Variants in ELAPOR2 observed in about 807,000 individuals in gnomAD.
The protein encoded by ELAPOR2 is endosome/lysosome-associated apoptosis and autophagy regulator family member 2.
A neutral mutation model predicts 120.7 loss-of-function variants in ELAPOR2; 89 were observed. That is an observed-to-expected ratio of 0.74 (90% CI 0.62 to 0.88). ELAPOR2 has a LOEUF of 0.88. Among genes scored for constraint, ELAPOR2 ranks in the 40% least tolerant of loss-of-function variants. The probability of loss-of-function intolerance (pLI) is 0.00; values close to 1 mark genes in which losing one functional copy is unlikely to be tolerated. For missense variants in ELAPOR2, 1,134 were observed against 1,251.6 expected, an observed-to-expected ratio of 0.91 and a Z score of 1.42; for synonymous variants, 444 against 444.9, an observed-to-expected ratio of 1.00 and a Z score of 0.03.
rs142358415 is a variant in ELAPOR2, at chr7:86,880,501, T to C, written c.3060A>G (p.Gln1020=). The change falls in exon 22 of 22, where the codon CAA becomes CAG. Residue 1020 remains glutamine (Q), a synonymous_variant. Coordinates refer to ENST00000450689, the MANE Select transcript of ELAPOR2 (RefSeq NM_001142749.3). ...TATTTGGGGATCTTGAGGTTTTCAG[T>C]TGAACAGATTCAAAATGGTCTTCTT... ...KEKEDHFESV[Q]LKTSRSPNI 3.1e-6 allele frequency: 5 copies of C among 1,609,550 alleles called. No homozygotes were observed. The highest frequency in any genetic ancestry group is 1.3e-5 in the African/African-American group (1 of 74,888).
intron 12 of ELAPOR2, among the ~76,000 whole-genome samples, chr7:86,916,955 ATTTTTT>A (rs58682563): frequency 1.6e-4 from 14 of 86,700 alleles, no homozygotes; most frequent in Non-Finnish European, 2.1e-5. Context: ...TGGCCAGCTA[ATTTTTT>A]TTTTTTTTTT....
At chr7:86,946,417 G>T (rs979901175) in intron 3 of ELAPOR2, among the ~76,000 whole-genome samples, 1 of 152,154 alleles carries the variant, frequency 6.6e-6, no homozygotes, top group African/African-American at 2.4e-5. Flanking sequence ...ACGGAGTTTT[G>T]CTCTTGTTGC....
At chr7:86,907,235 C>A (rs1036795518) in intron 18 of ELAPOR2, among the ~76,000 whole-genome samples, 1 of 151,968 alleles carries the variant, frequency 6.6e-6, no homozygotes, top group South Asian at 2.1e-4. Flanking sequence ...GGCCCCCATA[C>A]CCTTCCAGAG....
At chr7:87,014,457 T>C (rs1180871715) in intron 1 of ELAPOR2, among the ~76,000 whole-genome samples, 1 of 152,168 alleles carries the variant, frequency 6.6e-6, no homozygotes, top group Non-Finnish European at 1.5e-5. Flanking sequence ...ATACTGGATT[T>C]TGTGAAGATG....
chr7:87,013,012 G>C (rs528553109), intron 1 of ELAPOR2, among the ~76,000 whole-genome samples: 2 of 152,134 alleles, frequency 1.3e-5, no homozygotes, highest in Non-Finnish European at 2.9e-5. Context: ...CCATCAAATA[G>C]AACACAAAGA....
intron 1 of ELAPOR2, among the ~76,000 whole-genome samples, chr7:87,040,009 G>C (rs879273274): frequency 5.3e-5 from 8 of 152,048 alleles, no homozygotes; most frequent in African/African-American, 1.9e-4. Flanking sequence ...AAGGGGTGAC[G>C]GACGGCACCT....
At chr7:87,049,245 A>G (rs1378682823) in intron 1 of ELAPOR2, among the ~76,000 whole-genome samples, 1 of 151,906 alleles carries the variant, frequency 6.6e-6, no homozygotes, top group East Asian at 1.9e-4. Flanking sequence ...AAAAGCATGA[A>G]ATGTAGATTG....
intron 15 of ELAPOR2, 148 bp downstream of exon 15, chr7:86,911,924 G>T: frequency 1.3e-6 from 1 of 793,616 alleles, no homozygotes; most frequent in Non-Finnish European, 2.0e-6. Context: ...AATATTCTAG[G>T]CAGCAATAGA....
intron 8 of ELAPOR2, among the ~76,000 whole-genome samples, chr7:86,927,639 T>A (rs1223747725): frequency 6.6e-6 from 1 of 151,904 alleles, no homozygotes; most frequent in African/African-American, 2.4e-5. Flanking sequence ...AAAACAGCTG[T>A]AACTCAGTCA....
At chr7:87,050,062 T>C (rs1014970271) in intron 1 of ELAPOR2, among the ~76,000 whole-genome samples, 3 of 152,208 alleles carry the variant, frequency 2.0e-5, no homozygotes, top group African/African-American at 7.2e-5. Flanking sequence ...ACCTGGATCT[T>C]GGACTTTCCT....
intron 1 of ELAPOR2, among the ~76,000 whole-genome samples, chr7:87,019,080 G>C (rs1262792851): frequency 6.6e-6 from 1 of 152,110 alleles, no homozygotes; most frequent in African/African-American, 2.4e-5. Context: ...AAATACCATA[G>C]ATAAAATAAG....
intron 18 of ELAPOR2, among the ~76,000 whole-genome samples, chr7:86,898,999 A>G (rs1788583365): frequency 6.6e-6 from 1 of 152,134 alleles, no homozygotes; most frequent in Non-Finnish European, 1.5e-5. Flanking sequence ...TAGCGTTGCA[A>G]TCTTGGGTTT....
In ELAPOR2 at chr7:86,877,477, C is replaced by T. The variant is rs371489929; in HGVS notation, c.*2994G>A. 6.6e-6 allele frequency: 1 copy of T among 152,106 alleles called. No homozygotes were observed. Among genetic ancestry groups the T allele is most frequent in the African/African-American group, 2.4e-5 (1 of 41,418 alleles). 9.4% of individuals were successfully genotyped at this position (152,106 alleles called of 1,614,324 possible). A position where few individuals can be genotyped will look rare whatever the true frequency, so the allele number is the denominator to read the frequency against. On this transcript the variant is annotated 3_prime_UTR_variant, in exon 22 of 22. Transcript: ENST00000450689. Reference sequence around the variant, plus strand: ...ATCAACTCTACATACTCTTAGTGTACAAAGATAAACGTGAGCAGTACACTC... The same window carrying T: ...ATCAACTCTACATACTCTTAGTGTATAAAGATAAACGTGAGCAGTACACTC...
At position 87,040,181 on chromosome 7, in the gene ELAPOR2, G is replaced by A. The variant is rs894341938; in HGVS notation, c.189+19144C>T. ...TCTGAGATCAAACTGCAAGGCGGCAGCGAGGCTGGGGGAGAGGCGCCCGCC... is the reference window on the plus strand; with the variant it reads ...TCTGAGATCAAACTGCAAGGCGGCAACGAGGCTGGGGGAGAGGCGCCCGCC... On this transcript the variant is annotated intron_variant, in intron 1 of 21. Transcript: ENST00000450689. 7.8e-3 allele frequency among the ~76,000 whole-genome samples: 1,190 copies of A among 152,322 alleles called. 12 individuals are homozygous for A. Among genetic ancestry groups the A allele is most frequent in the African/African-American group, 0.028 (1,147 of 41,558 alleles).
chr7:86,888,643 C>T (rs533950434), intron 21 of ELAPOR2, among the ~76,000 whole-genome samples: 2 of 152,280 alleles, frequency 1.3e-5, no homozygotes, highest in Admixed American at 1.3e-4. Flanking sequence ...ACCAACATCT[C>T]ATTTCCATAG....
chr7:86,994,622 C>G (rs552844641), intron 1 of ELAPOR2, among the ~76,000 whole-genome samples: 4 of 152,220 alleles, frequency 2.6e-5, no homozygotes, highest in Admixed American at 6.5e-5. Context: ...TCTCCAGTCA[C>G]TGAGCTTGGG....
intron 1 of ELAPOR2, among the ~76,000 whole-genome samples, chr7:87,008,867 A>G (rs944773655): frequency 2.0e-5 from 3 of 152,204 alleles, no homozygotes; most frequent in African/African-American, 7.2e-5. Flanking sequence ...CTAGCCTTGC[A>G]ATTTTTCTTT....
intron 1 of ELAPOR2, among the ~76,000 whole-genome samples, chr7:87,055,613 CA>C (rs2129018743): frequency 6.6e-6 from 1 of 152,182 alleles, no homozygotes; most frequent in Non-Finnish European, 1.5e-5. Flanking sequence ...GTCTGCTTGG[CA>C]AATTCCTACT....
intron 8 of ELAPOR2, among the ~76,000 whole-genome samples, chr7:86,935,286 C>A (rs939619694): frequency 2.6e-5 from 4 of 152,062 alleles, no homozygotes; most frequent in Admixed American, 2.6e-4. Flanking sequence ...CACATCCCCA[C>A]ATTCTAGTCA....
Sources: gnomAD v4.1 joint callset for allele counts (sites outside exome capture counted in the v4.1 genomes callset) on GRCh38, gnomAD v4.1.1 for gene constraint, MANE v1.5 for transcripts, NCBI Gene and HGNC (gene_info 2026-07-23, HGNC 2026-07-21) for gene names.